Variants in STK35 observed in about 807,000 individuals in gnomAD.
STK35 encodes serine/threonine-protein kinase 35.
STK35 carries 17 observed loss-of-function variants against 37.3 expected under a neutral mutation model. The ratio of observed to expected loss-of-function variants is 0.46; its 90% CI spans 0.31 to 0.68. The LOEUF is 0.68. Ranked by LOEUF, STK35 falls within the 30% of genes least tolerant of loss-of-function variation. STK35 has a pLI of 0.05. For missense variants in STK35, 595 were observed against 746.7 expected, an observed-to-expected ratio of 0.80 and a Z score of 2.37; for synonymous variants, 385 against 319.1, an observed-to-expected ratio of 1.21 and a Z score of -2.20.
chr20:2,135,874 AC>A (rs1313972984), intron 3 of STK35, among the ~76,000 whole-genome samples: 1 of 152,090 alleles, frequency 6.6e-6, no homozygotes, highest in African/African-American at 2.4e-5. Context: ...AGTGGCATGC[AC>A]CTGTGGTCCC....
At chr20:2,106,832 A>T (rs574128164) in intron 2 of STK35, among the ~76,000 whole-genome samples, 8 of 152,340 alleles carry the variant, frequency 5.3e-5, no homozygotes, top group South Asian at 2.1e-4. Flanking sequence ...TTAAGACAGC[A>T]GAAGCTTCGG....
chr20:2,133,422 G>A (rs760438353), intron 3 of STK35, among the ~76,000 whole-genome samples: 2 of 152,214 alleles, frequency 1.3e-5, no homozygotes, highest in Non-Finnish European at 2.9e-5. Flanking sequence ...AATAAGTTGA[G>A]GAGGGGAATT....
rs1434923948 is a variant in STK35 at position 2,108,705 on chromosome 20, C to T, written c.892+5340C>T. ...CTCCTGACCGACTACTTTTTATGTG[C>T]ATTGGGGATTTTAGGTACCAGCCCC... On this transcript the variant is annotated intron_variant, in intron 2 of 3. Coordinates refer to ENST00000381482, the MANE Select transcript of STK35 (RefSeq NM_080836.4). Among the ~76,000 whole-genome samples, 4 of 152,236 alleles carry T rather than the reference C, an allele frequency of 2.6e-5. No individual in the cohort carries two copies. The South Asian group carries it at 8.3e-4, about 32-fold the overall frequency.
At chr20:2,136,660 A>G (rs114874924) in intron 3 of STK35, among the ~76,000 whole-genome samples, 4 of 152,240 alleles carry the variant, frequency 2.6e-5, no homozygotes, top group African/African-American at 9.6e-5. Context: ...TTTTATTGCT[A>G]TGTACTAATT....
In STK35 at chr20:2,145,028, T is replaced by G. The variant is rs1986236843; in HGVS notation, c.*1282T>G. On this transcript the variant is annotated 3_prime_UTR_variant, in exon 4 of 4. Coordinates refer to ENST00000381482, the MANE Select transcript of STK35 (RefSeq NM_080836.4). Reference sequence around the variant, plus strand: ...GAACTGGGTAGACCCCCTGCAGCGTTAGGGGCCCATTTGTGGGCTCGCCAC... The same window carrying G: ...GAACTGGGTAGACCCCCTGCAGCGTGAGGGGCCCATTTGTGGGCTCGCCAC... The G allele has an allele frequency of 6.6e-6, 1 of 152,370 alleles. No homozygotes were observed. Among genetic ancestry groups the G allele is most frequent in the African/African-American group, 2.4e-5 (1 of 41,442 alleles). The allele number at this position is 152,370 out of a possible 1,614,324, so 9.4% of individuals were successfully genotyped here. A position where few individuals can be genotyped will look rare whatever the true frequency, so the allele number is the denominator to read the frequency against.
chr20:2,115,053 G>A (rs1196876116), intron 2 of STK35, among the ~76,000 whole-genome samples: 1 of 152,208 alleles, frequency 6.6e-6, no homozygotes, highest in Non-Finnish European at 1.5e-5. Context: ...GGAAATAACT[G>A]ATTTGAAAAG....
chr20:2,131,555 G>A (rs1600616637), intron 3 of STK35, among the ~76,000 whole-genome samples: 2 of 152,234 alleles, frequency 1.3e-5, no homozygotes, highest in East Asian at 3.9e-4. Flanking sequence ...GTTGCTCTGG[G>A]TGAGTCAGTG....
intron 2 of STK35, among the ~76,000 whole-genome samples, chr20:2,104,802 C>T (rs1227990341): frequency 6.6e-6 from 1 of 152,128 alleles, no homozygotes; most frequent in Non-Finnish European, 1.5e-5. Flanking sequence ...AAAGTCCATC[C>T]GTGCCCCATC....
chr20:2,134,228 C>A (rs889006887), intron 3 of STK35, among the ~76,000 whole-genome samples: 18 of 150,014 alleles, frequency 1.2e-4, no homozygotes, highest in African/African-American at 4.4e-4. Flanking sequence ...CCACTGCACT[C>A]CAGCCTGGGC....
intron 2 of STK35, among the ~76,000 whole-genome samples, chr20:2,112,547 G>C (rs552440642): frequency 1.6e-4 from 25 of 152,250 alleles, no homozygotes; most frequent in African/African-American, 4.1e-4. Context: ...AGCATGGTCT[G>C]GGGGGAGGAC....
chr20:2,115,400 A>G (rs1440092397), intron 2 of STK35, among the ~76,000 whole-genome samples: 1 of 152,144 alleles, frequency 6.6e-6, no homozygotes, highest in African/African-American at 2.4e-5. Context: ...GGTAGGATGC[A>G]TACTCCATAC....
At chr20:2,110,595 G>T (rs1245230175) in intron 2 of STK35, among the ~76,000 whole-genome samples, 1 of 152,114 alleles carries the variant, frequency 6.6e-6, no homozygotes, top group Non-Finnish European at 1.5e-5. Flanking sequence ...TTTGTTTTGT[G>T]TCTTTTTGAC....
chr20:2,138,860 C>T (rs1477941664), intron 3 of STK35, among the ~76,000 whole-genome samples: 1 of 151,986 alleles, frequency 6.6e-6, no homozygotes, highest in Non-Finnish European at 1.5e-5. Flanking sequence ...CCCGTCCCTA[C>T]AAAAATAAAA....
intron 3 of STK35, among the ~76,000 whole-genome samples, chr20:2,139,205 A>G (rs1212127977): frequency 6.6e-6 from 1 of 152,160 alleles, no homozygotes; most frequent in Admixed American, 6.5e-5. Context: ...TGTTCCCCTC[A>G]TATCTCCCAG....
At chr20:2,138,086 G>A (rs552140950) in intron 3 of STK35, among the ~76,000 whole-genome samples, 17 of 152,344 alleles carry the variant, frequency 1.1e-4, no homozygotes, top group African/African-American at 3.4e-4. Context: ...ACGGCAGCTA[G>A]CATGTCATAG....
chr20:2,138,531 T>A (rs1046122935), intron 3 of STK35, among the ~76,000 whole-genome samples: 1 of 152,150 alleles, frequency 6.6e-6, no homozygotes, highest in Non-Finnish European at 1.5e-5. Flanking sequence ...GAGCTTGCAT[T>A]TGAACCAGGA....
chr20:2,126,062 A>T (rs755904092), intron 3 of STK35, among the ~76,000 whole-genome samples: 19 of 152,212 alleles, frequency 1.2e-4, no homozygotes, highest in Non-Finnish European at 2.1e-4. Flanking sequence ...ACCCAGCAGA[A>T]TGGCAGCGGT....
chr20:2,139,934 A>C (rs545569171), intron 3 of STK35, among the ~76,000 whole-genome samples: 1 of 152,338 alleles, frequency 6.6e-6, no homozygotes, highest in African/African-American at 2.4e-5. Context: ...CTCAGGTGCA[A>C]GCTACTGGAA....
At chr20:2,113,442 A>C (rs1224517017) in intron 2 of STK35, among the ~76,000 whole-genome samples, 1 of 152,206 alleles carries the variant, frequency 6.6e-6, no homozygotes, top group African/African-American at 2.4e-5. Flanking sequence ...TGTTGCAGCT[A>C]GCCTTAAGGT....
Sources: gnomAD v4.1 joint callset for allele counts (sites outside exome capture counted in the v4.1 genomes callset) on GRCh38, gnomAD v4.1.1 for gene constraint, MANE v1.5 for transcripts, NCBI Gene and HGNC (gene_info 2026-07-23, HGNC 2026-07-21) for gene names.